Variants in TCF7L2 observed in about 807,000 individuals in gnomAD.
TCF7L2 encodes transcription factor 7 like 2.
A neutral mutation model predicts 77.9 loss-of-function variants in TCF7L2; 23 were observed. The ratio of observed to expected loss-of-function variants is 0.30; its 90% CI spans 0.21 to 0.42. The LOEUF (loss-of-function observed/expected upper bound fraction) is 0.42, where lower values mean the gene tolerates loss of function less well. Ranked by LOEUF, TCF7L2 falls within the 10% of genes least tolerant of loss-of-function variation. The probability of loss-of-function intolerance (pLI) is 1.00; values close to 1 mark genes in which losing one functional copy is unlikely to be tolerated. For missense variants in TCF7L2, 654 were observed against 793.1 expected, an observed-to-expected ratio of 0.82 and a Z score of 2.11; for synonymous variants, 413 against 340.2, an observed-to-expected ratio of 1.21 and a Z score of -2.36.
At chr10:112,972,828 G>GTT (rs2038579131) in intron 4 of TCF7L2, among the ~76,000 whole-genome samples, 2 of 152,308 alleles carry the variant, frequency 1.3e-5, no homozygotes, top group African/African-American at 2.4e-5. Flanking sequence ...GAAAGGTGTA[G>GTT]TTACTGGTAT....
At chr10:113,161,525 C>G in intron 13 of TCF7L2, 1 of 1,532,344 alleles carries the variant, frequency 6.5e-7, no homozygotes, top group Non-Finnish European at 8.7e-7. Context: ...CATTTCCTTT[C>G]TTTAATGACC....
chr10:113,126,752 C>T (rs61872803), intron 5 of TCF7L2: 21,990 of 985,594 alleles, frequency 0.022, 295 homozygotes, highest in Non-Finnish European at 0.024. Flanking sequence ...GGCGGCGGCG[C>T]GGGCTGCAGG....
chr10:113,027,611 A>G (rs1005473461), intron 4 of TCF7L2, among the ~76,000 whole-genome samples: 1 of 152,204 alleles, frequency 6.6e-6, no homozygotes, highest in Admixed American at 6.5e-5. Context: ...TTGGAAGTGG[A>G]CAAAACTGTA....
At chr10:112,959,186 G>A (rs142991061) in intron 3 of TCF7L2, among the ~76,000 whole-genome samples, 1 of 150,862 alleles carries the variant, frequency 6.6e-6, no homozygotes, top group East Asian at 1.9e-4. Context: ...TTTTTTGCGA[G>A]ACTTTGCAGC....
chr10:113,020,285 G>A (rs1468374364), intron 4 of TCF7L2, among the ~76,000 whole-genome samples: 2 of 152,108 alleles, frequency 1.3e-5, no homozygotes, highest in Non-Finnish European at 2.9e-5. Flanking sequence ...CAGATGTGGC[G>A]GCCTCCATGC....
rs965090040 is a variant in TCF7L2 at position 113,040,190 on chromosome 10, T to C, written c.552+64T>C. Reference sequence around the variant, plus strand: ...GGGGGTGAAAAAGAAAATGCTTTTTTGATGATAACAGGCCTTATTTGTCAT... The same window carrying C: ...GGGGGTGAAAAAGAAAATGCTTTTTCGATGATAACAGGCCTTATTTGTCAT... On this transcript the variant is annotated intron_variant, in intron 5 of 13. Transcript: ENST00000627217. 1.4e-5 allele frequency: 20 copies of C among 1,409,952 alleles called. No individual in the cohort carries two copies. In the African/African-American group the frequency reaches 2.0e-4, roughly 14 times the overall value. 87.3% of individuals were successfully genotyped at this position (1,409,952 alleles called of 1,614,324 possible).
intron 5 of TCF7L2, among the ~76,000 whole-genome samples, chr10:113,043,740 G>A (rs1474713623): frequency 6.6e-6 from 1 of 151,924 alleles, no homozygotes; most frequent in East Asian, 1.9e-4. Context: ...TTCTTTCTTG[G>A]TGGAGTTTTG....
intron 4 of TCF7L2, among the ~76,000 whole-genome samples, chr10:112,989,476 A>C (rs1259228472): frequency 1.3e-5 from 2 of 148,848 alleles, no homozygotes; most frequent in African/African-American, 5.2e-5. Flanking sequence ...ATGAGCAGGA[A>C]GAAAAAAAAA....
intron 4 of TCF7L2, among the ~76,000 whole-genome samples, chr10:113,014,478 A>G (rs189473820): frequency 6.6e-6 from 1 of 152,340 alleles, no homozygotes; most frequent in East Asian, 1.9e-4. Flanking sequence ...CAGGAAGCCC[A>G]GTGCTAATCC....
At chr10:113,081,015 A>G (rs916460800) in intron 5 of TCF7L2, among the ~76,000 whole-genome samples, 1 of 152,156 alleles carries the variant, frequency 6.6e-6, no homozygotes, top group Non-Finnish European at 1.5e-5. Flanking sequence ...ATTTTAAAAC[A>G]TTTGATTCCC....
At chr10:113,003,667 C>G (rs2044929968) in intron 4 of TCF7L2, among the ~76,000 whole-genome samples, 1 of 152,242 alleles carries the variant, frequency 6.6e-6, no homozygotes, top group Non-Finnish European at 1.5e-5. Context: ...TGTCCCTTCT[C>G]CAGCCCTCTG....
intron 5 of TCF7L2, among the ~76,000 whole-genome samples, chr10:113,136,227 C>T (rs1274130405): frequency 6.6e-6 from 1 of 152,178 alleles, no homozygotes; most frequent in Admixed American, 6.5e-5. Context: ...GGCACACAGA[C>T]ACAGAGCCCA....
intron 6 of TCF7L2, 68 bp from the exon 7 acceptor site, chr10:113,143,855 C>A: frequency 8.6e-7 from 1 of 1,164,452 alleles, no homozygotes. Flanking sequence ...TCCCTGTTCC[C>A]ATCCCCTAAT....
intron 5 of TCF7L2, among the ~76,000 whole-genome samples, chr10:113,071,490 T>C (rs1322190008): frequency 6.6e-6 from 1 of 152,004 alleles, no homozygotes; most frequent in East Asian, 1.9e-4. Flanking sequence ...CCAGGGGAAT[T>C]TCAGGAAACC....
At chr10:113,039,876 G>A (rs1230930340) in intron 4 of TCF7L2, 149 bp from the exon 5 acceptor site, 4 of 659,964 alleles carry the variant, frequency 6.1e-6, no homozygotes, top group Non-Finnish European at 1.0e-5. Flanking sequence ...TATTGGAATT[G>A]CATGCTTTTT....
intron 4 of TCF7L2, among the ~76,000 whole-genome samples, chr10:113,034,382 C>T (rs1211796557): frequency 2.6e-5 from 4 of 152,116 alleles, no homozygotes; most frequent in East Asian, 1.9e-4. Flanking sequence ...ATGAATGGCC[C>T]GTGGTGAGGC....
chr10:113,062,773 T>G (rs1424728815), intron 5 of TCF7L2, among the ~76,000 whole-genome samples: 2 of 152,182 alleles, frequency 1.3e-5, no homozygotes, highest in African/African-American at 4.8e-5. Context: ...TGTGGTCTAT[T>G]ACAGTCCCCC....
At chr10:113,054,791 C>T (rs1485702280) in intron 5 of TCF7L2, among the ~76,000 whole-genome samples, 1 of 152,048 alleles carries the variant, frequency 6.6e-6, no homozygotes, top group Non-Finnish European at 1.5e-5. Flanking sequence ...TAGTTTTTAA[C>T]TTTGACATAA....
At position 112,969,241 on chromosome 10, in the gene TCF7L2, A is replaced by G. The variant is rs572008856; in HGVS notation, c.450+4617A>G. Among the ~76,000 whole-genome samples the G allele has an allele frequency of 4.6e-5, 7 of 152,280 alleles. No homozygotes were observed. The East Asian group carries it at 1.2e-3, about 25-fold the overall frequency. On this transcript the variant is annotated intron_variant, in intron 4 of 13. Transcript: ENST00000627217. ...TGACTTCATGTAAATGGAATCTTAT[A>G]GAATGTACTGTTTCATGTCTGGCCA...
Sources: allele counts gnomAD v4.1 joint callset (sites outside exome capture counted in the v4.1 genomes callset), GRCh38; gene constraint gnomAD v4.1.1; transcripts MANE v1.5; gene names NCBI Gene and HGNC (gene_info 2026-07-23, HGNC 2026-07-21).